Variants in TSC1 observed in about 807,000 individuals in gnomAD.
The protein encoded by TSC1 is TSC complex subunit 1.
Under a neutral mutation model 124.3 loss-of-function variants are expected in TSC1, and 20 were observed. The ratio of observed to expected loss-of-function variants is 0.16; its 90% CI spans 0.11 to 0.23. The LOEUF is 0.23. Ranked by LOEUF, TSC1 falls within the 10% of genes least tolerant of loss-of-function variation. The pLI is 1.00. For synonymous variants in TSC1, 493 were observed against 539.1 expected (o/e 0.91, Z 1.19); for missense variants, 1,124 against 1,448.5 (o/e 0.78, Z 3.64).
intron 8 of TSC1, among the ~76,000 whole-genome samples, chr9:132,918,962 A>G (rs1846401242): frequency 1.3e-5 from 2 of 152,282 alleles, no homozygotes; most frequent in South Asian, 2.1e-4. Context: ...AACTCCTTGT[A>G]TAAGTATACA....
At chr9:132,929,144 T>C (rs1847063647) in intron 2 of TSC1, among the ~76,000 whole-genome samples, 192 bp from the exon 3 acceptor site, 1 of 152,264 alleles carries the variant, frequency 6.6e-6, no homozygotes, top group African/African-American at 2.4e-5. Flanking sequence ...TTGGCGAGTT[T>C]ATGAAGAGGG....
rs879855255 is a variant in TSC1, at chr9:132,943,310, ATACT to A, written c.-144+1229_-144+1232del. Among the ~76,000 whole-genome samples, 1,097 of 151,966 alleles carry A rather than the reference ATACT, an allele frequency of 7.2e-3. 7 individuals are homozygous for A. Among genetic ancestry groups the A allele is most frequent in the Non-Finnish European group, 0.011 (776 of 68,006 alleles). ...CTCATCAGTTTTATTAAACTATCAA[ATACT>A]TTTTAGCCTAATTTAGACTAACAAG... On this transcript the variant is annotated intron_variant, in intron 1 of 22. Transcript: ENST00000298552.
In TSC1 at chr9:132,906,342, T is replaced by TA. The variant is rs1233584408; in HGVS notation, c.1439-204dup. The TA allele has an allele frequency of 7.6e-6, 5 of 657,376 alleles. No individual in the cohort carries two copies. The highest frequency in any genetic ancestry group is 1.7e-5 in the South Asian group (1 of 59,344). 40.7% of individuals were successfully genotyped at this position (657,376 alleles called of 1,614,324 possible). A position where few individuals can be genotyped will look rare whatever the true frequency, so the allele number is the denominator to read the frequency against. On this transcript the variant is annotated intron_variant, in intron 14 of 22. Coordinates refer to ENST00000298552, the MANE Select transcript of TSC1 (RefSeq NM_000368.5). This position sits in a 1 kb window ranked among gnomAD's most constrained non-coding sequence, Gnocchi z 4.1. ...GGGAGGATCACTTGAGCCCAGGAGT[T>TA]AGAGACCAGCCTGGACAACATAGGG... is the stretch of plus-strand genomic sequence containing the variant.
rs775823272 is a variant in TSC1, at chr9:132,913,891, G to GT, written c.738-1435dup. 5.4e-3 allele frequency among the ~76,000 whole-genome samples: 316 copies of GT among 58,386 alleles called. 16 individuals carry two copies. The highest frequency in any genetic ancestry group is 7.9e-3 in the African/African-American group (117 of 14,834). The allele number at this position is 58,386 out of a possible 152,430, so 38.3% of individuals were successfully genotyped here. ...TCCCATGGGTTTTTTGTTTTGTTTTGTTTTTTTTTTTTTTTTTTTTTTTTT... is the reference window on the plus strand; with the variant it reads ...TCCCATGGGTTTTTTGTTTTGTTTTGTTTTTTTTTTTTTTTTTTTTTTTTTT... On this transcript the variant is annotated intron_variant, in intron 8 of 22. Coordinates refer to ENST00000298552, the MANE Select transcript of TSC1 (RefSeq NM_000368.5).
Position 132,893,158 on chromosome 9 carries a change from A to G in TSC1, c.*3077T>C. On this transcript the variant is annotated 3_prime_UTR_variant, in exon 23 of 23. Coordinates refer to ENST00000298552, the MANE Select transcript of TSC1 (RefSeq NM_000368.5). Reference sequence around the variant, plus strand: ...TCCACTCTTCAAGCTTAGTAAGAAGATTCCGCAGCTTAGTCCCAAAGGTCA... The same window carrying G: ...TCCACTCTTCAAGCTTAGTAAGAAGGTTCCGCAGCTTAGTCCCAAAGGTCA... The G allele has an allele frequency of 4.3e-6, 1 of 233,272 alleles. No homozygotes were observed. The highest frequency in any genetic ancestry group is 8.5e-6 in the Non-Finnish European group (1 of 118,058). 14.5% of individuals were successfully genotyped at this position (233,272 alleles called of 1,614,324 possible).
chr9:132,918,698 A>T (rs1244036913), intron 8 of TSC1, among the ~76,000 whole-genome samples: 1 of 152,154 alleles, frequency 6.6e-6, no homozygotes, highest in Non-Finnish European at 1.5e-5. Context: ...TGAAAATCAG[A>T]AGACTACTTT....
chr9:132,897,788 T>G (rs1221623841), intron 20 of TSC1, among the ~76,000 whole-genome samples, 178 bp from the exon 21 acceptor site: 1 of 152,190 alleles, frequency 6.6e-6, no homozygotes, highest in Admixed American at 6.5e-5. Context: ...CTAGTAACCC[T>G]TCCTTGAAAT....
chr9:132,906,696 G>C lies in TSC1; in HGVS notation c.1438+35C>G, dbSNP rs369514624. The C allele has an allele frequency of 1.3e-6, 2 of 1,566,056 alleles. No homozygotes were observed. The highest frequency in any genetic ancestry group is 2.3e-5 in the East Asian group (1 of 44,172). On this transcript the variant is annotated intron_variant, in intron 14 of 22. Transcript: ENST00000298552. The surrounding 1 kb of genome is among the most constrained non-coding windows in gnomAD (Gnocchi z 4.1). ...AGATTTATAGCAGAGCGAGGGTCAGGTTTTATCAACTCATAGCAATCCCAC... is the reference window on the plus strand; with the variant it reads ...AGATTTATAGCAGAGCGAGGGTCAGCTTTTATCAACTCATAGCAATCCCAC...
intron 12 of TSC1, among the ~76,000 whole-genome samples, chr9:132,907,657 T>G (rs569611012): frequency 6.6e-6 from 1 of 152,310 alleles, no homozygotes; most frequent in African/African-American, 2.4e-5. Flanking sequence ...GCCTGGCTAA[T>G]TTTTGTATTT....
chr9:132,938,014 C>T (rs1847552867), intron 1 of TSC1, among the ~76,000 whole-genome samples: 1 of 152,160 alleles, frequency 6.6e-6, no homozygotes, highest in Non-Finnish European at 1.5e-5. Flanking sequence ...CCACCCCCTG[C>T]CAAGCAGAGT....
In TSC1 at chr9:132,906,706, C is replaced by T; in HGVS notation, c.1438+25G>A. On this transcript the variant is annotated intron_variant, in intron 14 of 22. Transcript: ENST00000298552. The surrounding 1 kb of genome is among the most constrained non-coding windows in gnomAD (Gnocchi z 4.1). ...CAGAGCGAGGGTCAGGTTTTATCAA[C>T]TCATAGCAATCCCACATACATTACC... 1 of 1,589,778 alleles carries T rather than the reference C, an allele frequency of 6.3e-7. No individual in the cohort carries two copies. The highest frequency in any genetic ancestry group is 1.3e-5 in the African/African-American group (1 of 74,452).
At chr9:132,929,462 G>C (rs1847087032) in intron 2 of TSC1, among the ~76,000 whole-genome samples, 3 of 152,158 alleles carry the variant, frequency 2.0e-5, no homozygotes, top group Non-Finnish European at 4.4e-5. Context: ...CTCTGTTTTA[G>C]CATATACCTC....
chr9:132,928,117 C>T (rs918039787), intron 3 of TSC1, among the ~76,000 whole-genome samples: 14 of 152,180 alleles, frequency 9.2e-5, no homozygotes, highest in Non-Finnish European at 1.6e-4. Context: ...CATCTATGGC[C>T]TATTTCATTT....
chr9:132,906,691 G>T lies in TSC1; in HGVS notation c.1438+40C>A. 1 of 1,535,566 alleles carries T rather than the reference G, an allele frequency of 6.5e-7. No homozygotes were observed. Among genetic ancestry groups the T allele is most frequent in the Non-Finnish European group, 9.0e-7 (1 of 1,115,226 alleles). ...ATCCCAGATTTATAGCAGAGCGAGG[G>T]TCAGGTTTTATCAACTCATAGCAAT... On this transcript the variant is annotated intron_variant, in intron 14 of 22. Coordinates refer to ENST00000298552, the MANE Select transcript of TSC1 (RefSeq NM_000368.5). The surrounding 1 kb of genome is among the most constrained non-coding windows in gnomAD (Gnocchi z 4.1).
At position 132,928,785 on chromosome 9, in the gene TSC1, T is replaced by C; in HGVS notation, c.88A>G (p.Lys30Glu). 6.2e-7 allele frequency: 1 copy of C among 1,614,182 alleles called. No homozygotes were observed. The highest frequency in any genetic ancestry group is 1.3e-5 in the African/African-American group (1 of 75,064). ...GVRDDVTAVFKENLNSDRGPM... is the reference protein window; with the variant it reads ...GVRDDVTAVFEENLNSDRGPM... ...TGCTAACCAGAATTGAGGTTCTCTT[T>C]AAAGACAGCTGTCACGTCGTCCCGC... The change falls in exon 3 of 23, where the codon AAA (lysine) becomes GAA (glutamate). Residue 30 changes from lysine (K) to glutamate (E), a missense_variant. Lys to Glu is a moderately conservative substitution (Grantham distance 56, BLOSUM62 1). This residue lies in a region of TSC1 where 463 missense variants were observed against 606.8 expected (regional missense o/e 0.76). Coordinates refer to ENST00000298552, the MANE Select transcript of TSC1 (RefSeq NM_000368.5).
intron 1 of TSC1, chr9:132,943,717 G>A (rs1043434389): frequency 6.6e-6 from 1 of 152,234 alleles, no homozygotes; most frequent in Non-Finnish European, 1.5e-5. Context: ...CTGGCACACA[G>A]AGAGCACTCC....
intron 8 of TSC1, among the ~76,000 whole-genome samples, chr9:132,919,216 A>C (rs1846414334): frequency 1.3e-5 from 2 of 152,242 alleles, no homozygotes; most frequent in Admixed American, 1.3e-4. Flanking sequence ...ATAATCTCGC[A>C]GAACCACTAT....
intron 9 of TSC1, 99 bp downstream of exon 9, chr9:132,912,183 T>TAG: frequency 6.8e-7 from 1 of 1,465,198 alleles, no homozygotes. Flanking sequence ...CCCTAGGAAC[T>TAG]GAACTAAGTC....
In TSC1 at chr9:132,923,504, A is replaced by G; in HGVS notation, c.364-12T>C. On this transcript the variant is annotated splice_polypyrimidine_tract_variant and intron_variant, in intron 5 of 22. Transcript: ENST00000298552. The surrounding 1 kb of genome is among the most constrained non-coding windows in gnomAD (Gnocchi z 4.2). ...ACGTCAGTGTCCATCTGCAGGAGAA[A>G]AGGTCAAACAGGAAACGTCTGTCAG... is the stretch of plus-strand genomic sequence containing the variant. 1 of 1,614,072 alleles carries G rather than the reference A, an allele frequency of 6.2e-7. No individual in the cohort carries two copies. The highest frequency in any genetic ancestry group is 8.5e-7 in the Non-Finnish European group (1 of 1,179,928).
Sources: allele counts gnomAD v4.1 joint callset (sites outside exome capture counted in the v4.1 genomes callset), GRCh38; gene constraint gnomAD v4.1.1; regional missense constraint gnomAD v4.1.1; non-coding constraint Gnocchi (gnomAD v3.1); transcripts MANE v1.5; gene names NCBI Gene and HGNC (gene_info 2026-07-23, HGNC 2026-07-21).